CCND3: variants seen among roughly 807,000 people sequenced by gnomAD.
CCND3 encodes G1/S-specific cyclin-D3.
CCND3 carries 9 observed loss-of-function variants against 28.7 expected under a neutral mutation model. That is an observed-to-expected ratio of 0.31 (90% confidence interval 0.19 to 0.55). The LOEUF (loss-of-function observed/expected upper bound fraction) is 0.55. Ranked by LOEUF, CCND3 falls within the 20% of genes least tolerant of loss-of-function variation. The pLI is 0.93. For missense variants in CCND3, 315 were observed against 385.8 expected (o/e 0.82, Z 1.54); for synonymous variants, 164 against 163.9 (o/e 1.00, Z 0.00).
At chr6:42,027,657 C>T (rs1405620449) in intron 1 of CCND3, among the ~76,000 whole-genome samples, 1 of 152,138 alleles carries the variant, frequency 6.6e-6, no homozygotes, top group African/African-American at 2.4e-5. Flanking sequence ...GGGCTTAACA[C>T]CAGAGCCCAA....
intron 1 of CCND3, among the ~76,000 whole-genome samples, chr6:41,964,581 T>C (rs1260648508): frequency 6.6e-6 from 1 of 152,166 alleles, no homozygotes; most frequent in Non-Finnish European, 1.5e-5. Flanking sequence ...TGCTGCTTAC[T>C]GCTGCTTGAG....
chr6:41,977,284 T>C (rs1192981730), intron 1 of CCND3, among the ~76,000 whole-genome samples: 1 of 152,174 alleles, frequency 6.6e-6, no homozygotes. Context: ...AAAAAACCCA[T>C]AGTCTATATA....
rs137955100 is a variant in CCND3 at position 42,025,195 on chromosome 6, G to T, written c.-46+23306C>A. Among the ~76,000 whole-genome samples the T allele has an allele frequency of 4.5e-4, 69 of 152,366 alleles. 1 individual carries two copies. In the East Asian group the frequency reaches 0.013, roughly 28 times the overall value. On this transcript the variant is annotated intron_variant, in intron 1 of 4. Transcript: ENST00000372988. Reference sequence around the variant, plus strand: ...GACAGAAGGTCTGGGATCTAACTGTGAGAGGAAACAGGGAGCCTGACAGCT... The same window carrying T: ...GACAGAAGGTCTGGGATCTAACTGTTAGAGGAAACAGGGAGCCTGACAGCT...
chr6:41,982,173 G>A (rs1279075757), intron 1 of CCND3, among the ~76,000 whole-genome samples: 1 of 151,882 alleles, frequency 6.6e-6, no homozygotes, highest in Non-Finnish European at 1.5e-5. Flanking sequence ...GGGATGCTGA[G>A]GCAGGAGAAT....
intron 1 of CCND3, among the ~76,000 whole-genome samples, chr6:41,968,909 G>T (rs370631905): frequency 2.0e-5 from 3 of 152,014 alleles, no homozygotes; most frequent in African/African-American, 7.2e-5. Flanking sequence ...GGGTTCAAGC[G>T]ATTCTCCTGC....
chr6:42,016,007 C>T (rs532012239), intron 1 of CCND3, among the ~76,000 whole-genome samples: 1 of 151,850 alleles, frequency 6.6e-6, no homozygotes. Context: ...GGCGTGATAT[C>T]AGCTCACTGC....
At chr6:41,990,435 G>GA (rs1001657724) in intron 1 of CCND3, among the ~76,000 whole-genome samples, 21 of 150,642 alleles carry the variant, frequency 1.4e-4, no homozygotes, top group South Asian at 4.2e-4. Context: ...CATAGAAATA[G>GA]AAAAAAAAAT....
At chr6:41,980,378 G>C (rs1244919865) in intron 1 of CCND3, among the ~76,000 whole-genome samples, 1 of 152,016 alleles carries the variant, frequency 6.6e-6, no homozygotes, top group Middle Eastern at 3.2e-3. Context: ...TCAGGTGATT[G>C]TCCAACCTCA....
At chr6:41,951,789 C>T (rs895232920) in intron 1 of CCND3, among the ~76,000 whole-genome samples, 12 of 151,636 alleles carry the variant, frequency 7.9e-5, no homozygotes, top group Non-Finnish European at 1.2e-4. Flanking sequence ...GACAGAGTCT[C>T]GCTCTGTCGC....
intron 1 of CCND3, among the ~76,000 whole-genome samples, chr6:41,976,352 A>G (rs1421511910): frequency 6.8e-6 from 1 of 146,452 alleles, no homozygotes; most frequent in Non-Finnish European, 1.6e-5. Context: ...ACTCTGTCAA[A>G]AAAAGAAAAA....
intron 1 of CCND3, chr6:41,940,953 C>A: frequency 6.2e-7 from 1 of 1,612,788 alleles, no homozygotes; most frequent in Non-Finnish European, 8.5e-7. Flanking sequence ...TGCACACACC[C>A]GAGGGGAAGG....
At chr6:42,038,803 G>A (rs909246029) in intron 1 of CCND3, among the ~76,000 whole-genome samples, 8 of 152,030 alleles carry the variant, frequency 5.3e-5, no homozygotes, top group African/African-American at 1.2e-4. Context: ...AAACTGCTCC[G>A]GAATAATTTC....
At chr6:41,950,304 C>T (rs148624763) in intron 1 of CCND3, among the ~76,000 whole-genome samples, 1,975 of 152,048 alleles carry the variant, frequency 0.013, 32 homozygotes, top group South Asian at 0.077. Context: ...GAGCTGTCTT[C>T]GGTTCTTGGC....
chr6:42,000,678 C>T (rs1762982083), intron 1 of CCND3, among the ~76,000 whole-genome samples: 1 of 150,206 alleles, frequency 6.7e-6, no homozygotes, highest in Admixed American at 6.7e-5. Flanking sequence ...AGCGATTCCC[C>T]TGCCTCAGCC....
chr6:41,959,345 C>T (rs1021609881), intron 1 of CCND3, among the ~76,000 whole-genome samples: 2 of 151,652 alleles, frequency 1.3e-5, no homozygotes, highest in Non-Finnish European at 2.9e-5. Flanking sequence ...CAAAACCAAA[C>T]AAACAAATGT....
intron 1 of CCND3, among the ~76,000 whole-genome samples, chr6:41,974,076 G>A (rs576457584): frequency 6.6e-6 from 1 of 152,226 alleles, no homozygotes; most frequent in African/African-American, 2.4e-5. Flanking sequence ...CCAGCTACTC[G>A]GGAGGCTGAG....
chr6:41,988,873 G>A (rs1310443829), intron 1 of CCND3, among the ~76,000 whole-genome samples: 2 of 151,044 alleles, frequency 1.3e-5, no homozygotes, highest in African/African-American at 4.9e-5. Context: ...TAATTTTTTT[G>A]TATTTTTAGC....
chr6:41,953,266 C>CA (rs35555377), intron 1 of CCND3, among the ~76,000 whole-genome samples: 10 of 140,598 alleles, frequency 7.1e-5, no homozygotes, highest in African/African-American at 1.3e-4. Context: ...CTCCCTCTCA[C>CA]AAAAAAAAAA....
intron 1 of CCND3, among the ~76,000 whole-genome samples, chr6:42,028,987 C>CT (rs956940998): frequency 5.8e-5 from 7 of 119,784 alleles, no homozygotes; most frequent in African/African-American, 2.2e-4. Context: ...TTTTTTTTTT[C>CT]CTAAGAGACA....
Sources: gnomAD v4.1 joint callset for allele counts (sites outside exome capture counted in the v4.1 genomes callset) on GRCh38, gnomAD v4.1.1 for gene constraint, MANE v1.5 for transcripts, NCBI Gene and HGNC (gene_info 2026-07-23, HGNC 2026-07-21) for gene names.